The following PDE5A variants were observed in gnomAD, a reference collection of about 807,000 sequenced individuals.
The protein encoded by PDE5A is phosphodiesterase 5A, also known as cGMP-specific 3',5'-cyclic phosphodiesterase.
PDE5A carries 67 observed loss-of-function variants against 110.2 expected under a neutral mutation model. That is an observed-to-expected ratio of 0.61 (90% CI 0.50 to 0.75). PDE5A has a LOEUF of 0.75. PDE5A is among the 30% of genes least tolerant of loss of function. The pLI is 0.00. For missense variants in PDE5A, 862 were observed against 1,045.1 expected, an observed-to-expected ratio of 0.82 and a Z score of 2.42; for synonymous variants, 328 against 351.2, an observed-to-expected ratio of 0.93 and a Z score of 0.74.
intron 15 of PDE5A, among the ~76,000 whole-genome samples, chr4:119,510,579 C>A (rs959639492): frequency 1.3e-5 from 2 of 151,992 alleles, no homozygotes; most frequent in Non-Finnish European, 2.9e-5. Flanking sequence ...CATAGCATAG[C>A]ATATGCTTTC....
intron 18 of PDE5A, among the ~76,000 whole-genome samples, chr4:119,503,487 C>G (rs1411478432): frequency 6.6e-6 from 1 of 152,098 alleles, no homozygotes. Context: ...CTATGTTCTA[C>G]TTGTTAATGT....
At chr4:119,545,589 C>T (rs189591563) in intron 9 of PDE5A, among the ~76,000 whole-genome samples, 2 of 152,304 alleles carry the variant, frequency 1.3e-5, no homozygotes, top group East Asian at 3.9e-4. Context: ...TCATAAAGTA[C>T]TCAGAATGTG....
At chr4:119,537,243 C>T (rs1001249107) in intron 11 of PDE5A, among the ~76,000 whole-genome samples, 4 of 152,120 alleles carry the variant, frequency 2.6e-5, no homozygotes, top group African/African-American at 9.7e-5. Context: ...CAACATCCTT[C>T]ATAGCTGCTC....
intron 9 of PDE5A, chr4:119,550,004 A>G (rs2110493957): frequency 6.6e-6 from 1 of 152,362 alleles, no homozygotes; most frequent in East Asian, 1.9e-4. Context: ...TTAGAATTAC[A>G]TAATAGTGGA....
At chr4:119,520,110 GA>G (rs1171791673) in intron 13 of PDE5A, among the ~76,000 whole-genome samples, 20 of 152,076 alleles carry the variant, frequency 1.3e-4, no homozygotes, top group African/African-American at 4.6e-4. Flanking sequence ...GCTAAGGTAG[GA>G]AAATACTACT....
chr4:119,608,651 A>C (rs1360320961), intron 1 of PDE5A, among the ~76,000 whole-genome samples: 1 of 152,236 alleles, frequency 6.6e-6, no homozygotes, highest in African/African-American at 2.4e-5. Context: ...CGCTTTAGAA[A>C]ACTCAAACTT....
At chr4:119,609,231 A>AT (rs1263569357) in intron 1 of PDE5A, among the ~76,000 whole-genome samples, 1 of 152,202 alleles carries the variant, frequency 6.6e-6, no homozygotes, top group East Asian at 1.9e-4. Context: ...TGTTCCAGAG[A>AT]TTTTACACAT....
intron 10 of PDE5A, 29 bp from the exon 11 acceptor site, chr4:119,539,048 A>C: frequency 1.9e-6 from 3 of 1,564,898 alleles, no homozygotes; most frequent in Non-Finnish European, 2.6e-6. Flanking sequence ...AGTCCAGGTT[A>C]CACAGGAGAG....
At chr4:119,593,522 G>T (rs1478474360) in intron 3 of PDE5A, among the ~76,000 whole-genome samples, 2 of 152,144 alleles carry the variant, frequency 1.3e-5, no homozygotes, top group South Asian at 2.1e-4. Flanking sequence ...TGACATTCTA[G>T]AAAAAGCAAA....
chr4:119,499,880 A>G (rs1725232966), intron 20 of PDE5A: 2 of 152,262 alleles, frequency 1.3e-5, no homozygotes, highest in Middle Eastern at 3.4e-3. Flanking sequence ...TAGTGAGAAC[A>G]TAACTATTTC....
chr4:119,540,801 G>A (rs1012174373), intron 10 of PDE5A, among the ~76,000 whole-genome samples: 1 of 152,100 alleles, frequency 6.6e-6, no homozygotes, highest in Non-Finnish European at 1.5e-5. Context: ...GAAGACCTGA[G>A]GGGTTTGTGC....
intron 5 of PDE5A, among the ~76,000 whole-genome samples, chr4:119,564,135 C>A (rs1727841483): frequency 6.6e-6 from 1 of 151,330 alleles, no homozygotes; most frequent in South Asian, 2.1e-4. Context: ...TATAAAAATA[C>A]AAAATATGTA....
At chr4:119,566,507 C>T (rs1297570484) in intron 4 of PDE5A, among the ~76,000 whole-genome samples, 3 of 152,074 alleles carry the variant, frequency 2.0e-5, no homozygotes, top group South Asian at 4.2e-4. Context: ...GTCAATGAGG[C>T]GTGTGGAAGG....
At chr4:119,596,658 G>A in intron 2 of PDE5A, 46 bp from the exon 3 acceptor site, 3 of 1,056,642 alleles carry the variant, frequency 2.8e-6, no homozygotes, top group Non-Finnish European at 2.8e-6. Context: ...CCTGTTCAAA[G>A]ATTGATTTGA....
chr4:119,548,283 T>C (rs984456908), intron 9 of PDE5A: 8 of 151,892 alleles, frequency 5.3e-5, no homozygotes, highest in African/African-American at 1.2e-4. Context: ...CTCCTGACCT[T>C]GTGATCCGCC....
intron 1 of PDE5A, among the ~76,000 whole-genome samples, chr4:119,615,615 C>CAAAAAAAAAA (rs56177504): frequency 7.7e-6 from 1 of 130,352 alleles, no homozygotes. Flanking sequence ...CTACTAAGTT[C>CAAAAAAAAAA]AAAAAAAAAA....
chr4:119,617,964 C>T (rs1242149532), intron 1 of PDE5A, among the ~76,000 whole-genome samples: 2 of 151,974 alleles, frequency 1.3e-5, no homozygotes, highest in African/African-American at 2.4e-5. Context: ...AGAAAGAGGC[C>T]GTAGAAGAAA....
chr4:119,567,278 C>T, intron 3 of PDE5A, 134 bp from the exon 4 acceptor site: 1 of 610,472 alleles, frequency 1.6e-6, no homozygotes. Context: ...AAAGCAAAAC[C>T]CCTCATCAGC....
chr4:119,512,388 A>C (rs1005467665), intron 14 of PDE5A: 3 of 152,162 alleles, frequency 2.0e-5, no homozygotes, highest in African/African-American at 7.2e-5. Flanking sequence ...GCTCAGCATC[A>C]GAAAATGGGA....
Sources: gnomAD v4.1 joint callset for allele counts (sites outside exome capture counted in the v4.1 genomes callset) on GRCh38, gnomAD v4.1.1 for gene constraint, MANE v1.5 for transcripts, NCBI Gene and HGNC (gene_info 2026-07-23, HGNC 2026-07-21) for gene names.